The following ZNF711 variants were observed in gnomAD, a reference collection of about 807,000 sequenced individuals.
ZNF711 encodes the protein zinc finger protein 711.
ZNF711 carries 3 observed loss-of-function variants against 43.5 expected under a neutral mutation model. That is an observed-to-expected ratio of 0.07 (90% CI 0.03 to 0.18). The LOEUF (loss-of-function observed/expected upper bound fraction) is 0.18, where lower values mean the gene tolerates loss of function less well. ZNF711 is among the 10% of genes least tolerant of loss of function. The probability of loss-of-function intolerance (pLI) is 1.00; values close to 1 mark genes in which losing one functional copy is unlikely to be tolerated. For synonymous variants in ZNF711, 209 were observed against 207.7 expected (o/e 1.01, Z -0.06); for missense variants, 412 against 604.0 (o/e 0.68, Z 3.33).
chrX:85,272,837 A>AT lies in ZNF711; in HGVS notation c.*1012dup, dbSNP rs1415830434. The AT allele has an allele frequency of 8.9e-6, 1 of 112,124 alleles. No individual in the cohort carries two copies. The highest frequency in any genetic ancestry group is 2.8e-4 in the East Asian group (1 of 3,525). The allele number at this position is 112,124 out of a possible 1,213,427, so 9.2% of individuals were successfully genotyped here. A position where few individuals can be genotyped will look rare whatever the true frequency, so the allele number is the denominator to read the frequency against. On this transcript the variant is annotated 3_prime_UTR_variant, in exon 11 of 11. Coordinates refer to ENST00000674551, the MANE Select transcript of ZNF711 (RefSeq NM_001330574.2). ...CAATATGAGGCAGTGTTTATGCAGT[A>AT]TTTAACAGAGCAATCTGCTGCCAAT...
At position 85,246,878 on chromosome X, in the gene ZNF711, A is replaced by C. The variant is rs185704584; in HGVS notation, c.-285-52A>C. 719 of 295,215 alleles carry C rather than the reference A, an allele frequency of 2.4e-3. 1 individual carries two copies. The highest frequency in any genetic ancestry group is 3.4e-3 in the Non-Finnish European group (568 of 169,504). 24.3% of individuals were successfully genotyped at this position (295,215 alleles called of 1,213,427 possible). On this transcript the variant is annotated intron_variant, in intron 2 of 10. Coordinates refer to ENST00000674551, the MANE Select transcript of ZNF711 (RefSeq NM_001330574.2). ...TACAAGTAAATGAAATGCTGAGATA[A>C]ATAATTTGCTAAATGTTTGTATGTG...
chrX:85,253,764 GACACACACACACACAC>G (rs756155292), intron 4 of ZNF711, among the ~76,000 whole-genome samples: 3,207 of 90,489 alleles, frequency 0.035, 123 homozygotes, highest in African/African-American at 0.12. Flanking sequence ...TGTGTTCACA[GACACACACACACACAC>G]ACACACACAC....
At chrX:85,269,243 T>G (rs1183753657) in intron 9 of ZNF711, among the ~76,000 whole-genome samples, 1 of 111,789 alleles carries the variant, frequency 8.9e-6, no homozygotes, top group Non-Finnish European at 1.9e-5. Flanking sequence ...AATGGTTCAG[T>G]AATATGTCTA....
intron 6 of ZNF711, 78 bp downstream of exon 6, chrX:85,264,508 G>A: frequency 1.0e-6 from 1 of 964,448 alleles, no homozygotes; most frequent in Non-Finnish European, 1.4e-6. Flanking sequence ...GTCTAAAAAT[G>A]TTCTCAAAGC....
chrX:85,271,239 A>G lies in ZNF711; in HGVS notation c.1835A>G (p.His612Arg). 1 of 1,209,734 alleles carries G rather than the reference A, an allele frequency of 8.3e-7. No homozygotes were observed. Among genetic ancestry groups the G allele is most frequent in the Non-Finnish European group, 1.1e-6 (1 of 894,555 alleles). ...HGNNLPYKCEHCPQAFGDERE... is the reference protein window; with the variant it reads ...HGNNLPYKCERCPQAFGDERE... ...AACAATTTGCCATATAAATGTGAGC[A>G]TTGTCCCCAAGCATTTGGTGATGAG... The change falls in exon 11 of 11, where the codon CAT (histidine) becomes CGT (arginine). Residue 612 changes from histidine to arginine, a missense_variant. His to Arg is a conservative substitution (Grantham distance 29, BLOSUM62 0). This residue lies in a region of ZNF711 where 375 missense variants were observed against 514.2 expected (regional missense o/e 0.73). Transcript: ENST00000674551.
At position 85,271,434 on chromosome X, in the gene ZNF711, C is replaced by T; in HGVS notation, c.2030C>T (p.Pro677Leu). ...CEVCDKGFHRPSELKKHSDIH... is the reference protein window; with the variant it reads ...CEVCDKGFHRLSELKKHSDIH... The stretch of plus-strand genomic sequence containing the variant: ...GTCTGTGATAAAGGTTTTCATCGTC[C>T]TTCTGAGCTCAAAAAGCATAGTGAT... The change falls in exon 11 of 11, where the codon CCT (proline) becomes CTT (leucine). Residue 677 changes from proline (P) to leucine (L), a missense_variant. Physicochemically the swap from Pro to Leu is moderately conservative, Grantham distance 98. Coordinates refer to ENST00000674551, the MANE Select transcript of ZNF711 (RefSeq NM_001330574.2). 1.7e-6 allele frequency: 2 copies of T among 1,210,953 alleles called. No homozygotes were observed. The highest frequency in any genetic ancestry group is 1.1e-6 in the Non-Finnish European group (1 of 895,204).
At chrX:85,261,181 T>A (rs1378039569) in intron 5 of ZNF711, among the ~76,000 whole-genome samples, 1 of 110,712 alleles carries the variant, frequency 9.0e-6, no homozygotes, top group Non-Finnish European at 1.9e-5. Flanking sequence ...ACCTGCACAA[T>A]TCAAACCTAT....
intron 5 of ZNF711, among the ~76,000 whole-genome samples, chrX:85,258,370 G>A (rs188116789): frequency 2.7e-5 from 3 of 110,451 alleles, no homozygotes; most frequent in Admixed American, 9.7e-5. Flanking sequence ...TTGGGGACTC[G>A]GGAGAAAGGG....
chrX:85,262,992 C>G lies in ZNF711; in HGVS notation c.623-1283C>G, dbSNP rs1930789039. ...TCACTTTATTCTGTTTTTAATGGTTCTAGAATTGTTAGATGTATGTAGGGG... is the reference window on the plus strand; with the variant it reads ...TCACTTTATTCTGTTTTTAATGGTTGTAGAATTGTTAGATGTATGTAGGGG... On this transcript the variant is annotated intron_variant, in intron 5 of 10. Transcript: ENST00000674551. Among the ~76,000 whole-genome samples the G allele has an allele frequency of 2.7e-5, 3 of 109,491 alleles. No individual in the cohort carries two copies. The South Asian group carries it at 1.1e-3, about 42-fold the overall frequency.
At chrX:85,252,425 C>A (rs1929626396) in intron 4 of ZNF711, among the ~76,000 whole-genome samples, 1 of 111,405 alleles carries the variant, frequency 9.0e-6, no homozygotes, top group South Asian at 3.7e-4. Flanking sequence ...TCCCTATGGT[C>A]TACTTTCAAG....
chrX:85,265,926 T>C (rs1931055126), intron 7 of ZNF711, among the ~76,000 whole-genome samples: 1 of 111,345 alleles, frequency 9.0e-6, no homozygotes, highest in Admixed American at 9.6e-5. Flanking sequence ...AGTTGCTGCT[T>C]AAGGTTTTGT....
At chrX:85,254,446 A>T (rs1176509665) in intron 4 of ZNF711, among the ~76,000 whole-genome samples, 1 of 83,221 alleles carries the variant, frequency 1.2e-5, no homozygotes, top group Non-Finnish European at 2.2e-5. Flanking sequence ...CTACTAAAAA[A>T]AATACAAAAA....
intron 4 of ZNF711, among the ~76,000 whole-genome samples, chrX:85,254,751 G>A (rs953057899): frequency 1.0e-5 from 1 of 97,675 alleles, no homozygotes; most frequent in Non-Finnish European, 2.0e-5. Context: ...GCAGTGAGCC[G>A]AGATCGCGCC....
intron 9 of ZNF711, among the ~76,000 whole-genome samples, chrX:85,269,218 A>G (rs1035261421): frequency 9.0e-6 from 1 of 111,233 alleles, no homozygotes; most frequent in African/African-American, 3.3e-5. Flanking sequence ...CATTACACTT[A>G]GTCACCATAA....
chrX:85,264,382 A>G lies in ZNF711; in HGVS notation c.730A>G (p.Ile244Val), dbSNP rs1317716243. The G allele has an allele frequency of 8.3e-7, 1 of 1,206,060 alleles. No individual in the cohort carries two copies. Residue 244 changes from isoleucine to valine, a missense_variant, in exon 6 of 11, where the codon ATA becomes GTA. Physicochemically the swap from Ile to Val is conservative, Grantham distance 29 (BLOSUM62 3). Around this residue, in one of 4 missense-constraint regions of ZNF711, gnomAD observed 375 missense variants for 514.2 expected, o/e 0.73. Transcript: ENST00000674551. ...AKEDGFGSEV[I>V]KVYIFKAEAE... ...AGAAGATGGGTTTGGTTCTGAAGTT[A>G]TAAAAGTGTATATATTTAAAGCGGA...
intron 7 of ZNF711, 89 bp downstream of exon 7, chrX:85,265,344 AC>A (rs1931011927): frequency 4.0e-6 from 4 of 998,795 alleles, no homozygotes; most frequent in Non-Finnish European, 5.6e-6. Flanking sequence ...CTGTATAGGA[AC>A]AAAGTTCAAT....
intron 4 of ZNF711, among the ~76,000 whole-genome samples, chrX:85,252,587 A>T (rs1261369844): frequency 8.9e-6 from 1 of 111,891 alleles, no homozygotes; most frequent in Non-Finnish European, 1.9e-5. Context: ...TAATATTTTA[A>T]TTTTTTCCTT....
intron 10 of ZNF711, among the ~76,000 whole-genome samples, chrX:85,270,391 G>A (rs1485974413): frequency 9.1e-6 from 1 of 110,068 alleles, no homozygotes; most frequent in Non-Finnish European, 1.9e-5. Context: ...TAACAATAAA[G>A]GGTACCTGTT....
intron 4 of ZNF711, among the ~76,000 whole-genome samples, chrX:85,248,296 C>T (rs955388983): frequency 9.3e-6 from 1 of 107,821 alleles, no homozygotes; most frequent in Non-Finnish European, 1.9e-5. Flanking sequence ...GGTGAAACCC[C>T]GTCTCTACTA....
Sources: gnomAD v4.1 joint callset for allele counts (sites outside exome capture counted in the v4.1 genomes callset) on GRCh38, gnomAD v4.1.1 for gene constraint, gnomAD v4.1.1 regional missense constraint, MANE v1.5 for transcripts, NCBI Gene and HGNC (gene_info 2026-07-23, HGNC 2026-07-21) for gene names.